Variants in RXFP2 observed in about 807,000 individuals in gnomAD.
RXFP2 encodes the protein relaxin family peptide receptor 2.
In RXFP2, 68 loss-of-function variants were observed where a neutral mutation model predicts 88.6. That is an observed-to-expected ratio of 0.77 (90% CI 0.63 to 0.94). RXFP2 has a LOEUF of 0.94. RXFP2 is among the 40% of genes least tolerant of loss of function. The probability of loss-of-function intolerance (pLI) is 0.00; values close to 1 mark genes in which losing one functional copy is unlikely to be tolerated. For synonymous variants in RXFP2, 329 were observed against 306.8 expected, an observed-to-expected ratio of 1.07 and a Z score of -0.76; for missense variants, 791 against 893.9, an observed-to-expected ratio of 0.88 and a Z score of 1.47.
chr13:31,786,514 A>G, intron 12 of RXFP2, 52 bp from the exon 13 acceptor site: 1 of 1,545,722 alleles, frequency 6.5e-7, no homozygotes, highest in Non-Finnish European at 8.9e-7. Flanking sequence ...CTTTCAAAAT[A>G]ATAATACCTT....
intron 4 of RXFP2, 21 bp downstream of exon 4, chr13:31,765,163 G>A (rs1283462668): frequency 7.3e-7 from 1 of 1,368,644 alleles, no homozygotes; most frequent in African/African-American, 1.4e-5. Context: ...CTTAATTATT[G>A]GTGATATCTG....
chr13:31,747,804 G>C (rs1871488403), intron 1 of RXFP2, among the ~76,000 whole-genome samples: 1 of 152,130 alleles, frequency 6.6e-6, no homozygotes, highest in African/African-American at 2.4e-5. Context: ...GATGGTTTGG[G>C]TAGAAAAAAG....
At chr13:31,766,133 T>G (rs527960514) in intron 5 of RXFP2, 106 bp downstream of exon 5, 2 of 690,752 alleles carry the variant, frequency 2.9e-6, no homozygotes, top group South Asian at 3.4e-5. Flanking sequence ...ATCATTACAT[T>G]TATGTTTCTA....
intron 2 of RXFP2, among the ~76,000 whole-genome samples, chr13:31,759,430 A>AAAGAAAGAAAGAAAG (rs1593451693): frequency 4.9e-5 from 7 of 143,022 alleles, no homozygotes; most frequent in Admixed American, 1.4e-4. Context: ...AGAAAGAAAG[A>AAAGAAAGAAAGAAAG]AAGAAAGAAA....
chr13:31,744,331 A>G (rs1871323419), intron 1 of RXFP2, among the ~76,000 whole-genome samples: 1 of 152,190 alleles, frequency 6.6e-6, no homozygotes, highest in Non-Finnish European at 1.5e-5. Flanking sequence ...TAGATTCTTT[A>G]TGCACTTATT....
chr13:31,766,016 A>C lies in RXFP2; in HGVS notation c.486A>C (p.Lys162Asn). ...LPDKVFIKYT[K>N]LKKIFLQHNC... ...ATAAAGTTTTCATCAAATACACAAA[A>C]CTTAAAAAGATGTAAGTAGCCGTTA... The change falls in exon 5 of 18, where the codon AAA becomes AAC. Residue 162 changes from lysine (K) to asparagine (N), a missense_variant. Lys to Asn is a moderately conservative substitution (Grantham distance 94, BLOSUM62 0). Transcript: ENST00000298386. 1 of 1,524,798 alleles carries C rather than the reference A, an allele frequency of 6.6e-7. No individual in the cohort carries two copies. The highest frequency in any genetic ancestry group is 9.1e-7 in the Non-Finnish European group (1 of 1,100,240). 94.5% of individuals were successfully genotyped at this position (1,524,798 alleles called of 1,614,324 possible).
intron 2 of RXFP2, among the ~76,000 whole-genome samples, chr13:31,759,028 C>A (rs1240446051): frequency 6.9e-6 from 1 of 145,804 alleles, no homozygotes; most frequent in African/African-American, 2.6e-5. Context: ...GCCTGGGTAA[C>A]AAGAGCAAAA....
intron 15 of RXFP2, 114 bp downstream of exon 15, chr13:31,792,149 C>G (rs1344849480): frequency 2.5e-6 from 2 of 786,958 alleles, no homozygotes; most frequent in Non-Finnish European, 4.0e-6. Context: ...AATTATACAT[C>G]CTGGGCACAT....
chr13:31,772,023 T>C (rs190475186), intron 5 of RXFP2, among the ~76,000 whole-genome samples: 2 of 152,252 alleles, frequency 1.3e-5, no homozygotes, highest in East Asian at 3.9e-4. Flanking sequence ...GCTTAACTGA[T>C]CTGAATGTTT....
At chr13:31,760,397 A>G (rs1872252104) in intron 2 of RXFP2, among the ~76,000 whole-genome samples, 1 of 151,962 alleles carries the variant, frequency 6.6e-6, no homozygotes, top group Non-Finnish European at 1.5e-5. Flanking sequence ...GGCCCTTATC[A>G]TTGTATTTAT....
intron 1 of RXFP2, among the ~76,000 whole-genome samples, chr13:31,748,829 C>T (rs1240499388): frequency 6.6e-6 from 1 of 151,952 alleles, no homozygotes; most frequent in Non-Finnish European, 1.5e-5. Flanking sequence ...TATTAAAATA[C>T]AAAAAAGAAA....
chr13:31,754,149 AT>A (rs1393265824), intron 1 of RXFP2, among the ~76,000 whole-genome samples: 1 of 152,160 alleles, frequency 6.6e-6, no homozygotes, highest in Non-Finnish European at 1.5e-5. Context: ...GATGCCTTTT[AT>A]TTGTGACAAT....
chr13:31,792,892 C>T lies in RXFP2; in HGVS notation c.1590C>T (p.Asn530=), dbSNP rs2138459273. 1.2e-6 allele frequency: 2 copies of T among 1,614,148 alleles called. No individual in the cohort carries two copies. The highest frequency in any genetic ancestry group is 2.2e-5 in the East Asian group (1 of 44,882). ...KFLVIVFPFS[N]IRPGKRQTSV... The stretch of plus-strand genomic sequence containing the variant: ...TGGTCATTGTCTTCCCCTTCAGTAA[C>T]ATTCGACCTGGAAAACGGCAGACCT... Residue 530 remains asparagine, a synonymous_variant, in exon 16 of 18, where the codon AAC becomes AAT. Coordinates refer to ENST00000298386, the MANE Select transcript of RXFP2 (RefSeq NM_130806.5).
At chr13:31,776,569 T>G (rs1309204030) in intron 7 of RXFP2, among the ~76,000 whole-genome samples, 3 of 152,162 alleles carry the variant, frequency 2.0e-5, no homozygotes, top group Non-Finnish European at 4.4e-5. Flanking sequence ...CAGGCAACTT[T>G]CTTAATTTTC....
chr13:31,753,173 GA>G (rs1871751626), intron 1 of RXFP2, among the ~76,000 whole-genome samples: 1 of 152,178 alleles, frequency 6.6e-6, no homozygotes, highest in Non-Finnish European at 1.5e-5. Flanking sequence ...AGCATTGGCA[GA>G]GAAATAGAGA....
chr13:31,764,496 A>G (rs532370689), intron 3 of RXFP2, among the ~76,000 whole-genome samples: 11 of 152,344 alleles, frequency 7.2e-5, no homozygotes, highest in African/African-American at 2.6e-4. Context: ...GTAATAAAAA[A>G]CAAAGAACCA....
At chr13:31,788,905 A>T (rs1873670272) in intron 13 of RXFP2, among the ~76,000 whole-genome samples, 1 of 152,246 alleles carries the variant, frequency 6.6e-6, no homozygotes, top group Non-Finnish European at 1.5e-5. Flanking sequence ...GTTCTATTAG[A>T]ATGTAATTCT....
At chr13:31,752,746 G>T (rs1871728188) in intron 1 of RXFP2, among the ~76,000 whole-genome samples, 1 of 152,202 alleles carries the variant, frequency 6.6e-6, no homozygotes, top group South Asian at 2.1e-4. Context: ...CGCTGATGGA[G>T]CTACTTCTCC....
Position 31,792,027 on chromosome 13 carries a change from T to A in RXFP2, c.1367T>A (p.Ile456Asn). 1.2e-6 allele frequency: 2 copies of A among 1,608,378 alleles called. No homozygotes were observed. The highest frequency in any genetic ancestry group is 1.7e-6 in the Non-Finnish European group (2 of 1,174,746). Reference protein sequence around the residue: ...ENTTHAMSIKILCCADCLMGV... With the variant: ...ENTTHAMSIKNLCCADCLMGV... ...ACAACTCACGCTATGTCCATCAAAATCCTTTGTTGTAAGTATGTTTCCAGT... is the reference window on the plus strand; with the variant it reads ...ACAACTCACGCTATGTCCATCAAAAACCTTTGTTGTAAGTATGTTTCCAGT... Residue 456 changes from isoleucine (I) to asparagine (N), a missense_variant, in exon 15 of 18, where the codon ATC becomes AAC. Coordinates refer to ENST00000298386, the MANE Select transcript of RXFP2 (RefSeq NM_130806.5).
Sources: allele counts gnomAD v4.1 joint callset (sites outside exome capture counted in the v4.1 genomes callset), GRCh38; gene constraint gnomAD v4.1.1; transcripts MANE v1.5; gene names NCBI Gene and HGNC (gene_info 2026-07-23, HGNC 2026-07-21).